Variants in GRIN3A observed in about 807,000 individuals in gnomAD.
GRIN3A encodes glutamate ionotropic receptor NMDA type subunit 3A.
In GRIN3A, 47 loss-of-function variants were observed where a neutral mutation model predicts 92.4. The ratio of observed to expected loss-of-function variants is 0.51; its 90% CI spans 0.40 to 0.65. The LOEUF is 0.65. Ranked by LOEUF, GRIN3A falls within the 30% of genes least tolerant of loss-of-function variation. The pLI, the probability that GRIN3A is intolerant of heterozygous loss-of-function variation, is 0.00. For missense variants in GRIN3A, 1,324 were observed against 1,393.1 expected, an observed-to-expected ratio of 0.95 and a Z score of 0.79; for synonymous variants, 527 against 540.6, an observed-to-expected ratio of 0.97 and a Z score of 0.35.
At chr9:101,580,143 C>T (rs955135751) in intron 6 of GRIN3A, among the ~76,000 whole-genome samples, 3 of 152,148 alleles carry the variant, frequency 2.0e-5, no homozygotes, top group Admixed American at 6.5e-5. Flanking sequence ...TTACTCAATA[C>T]GTATACTCAG....
chr9:101,674,617 A>G (rs1408304873), intron 2 of GRIN3A, among the ~76,000 whole-genome samples: 2 of 152,104 alleles, frequency 1.3e-5, no homozygotes, highest in Non-Finnish European at 2.9e-5. Flanking sequence ...GTAAGCCCAT[A>G]TAGCAATGTG....
intron 5 of GRIN3A, among the ~76,000 whole-genome samples, chr9:101,616,175 C>T (rs75145456): frequency 0.041 from 6,208 of 152,210 alleles, 141 homozygotes; most frequent in East Asian, 0.12. Context: ...GTGAGTGAGT[C>T]AGTGAATCAG....
At chr9:101,616,773 G>A (rs1375474310) in intron 5 of GRIN3A, among the ~76,000 whole-genome samples, 1 of 148,272 alleles carries the variant, frequency 6.7e-6, no homozygotes, top group Non-Finnish European at 1.5e-5. Flanking sequence ...GATAGCATTG[G>A]GAGATATACC....
intron 5 of GRIN3A, among the ~76,000 whole-genome samples, chr9:101,614,608 ACTTT>A (rs1339645402): frequency 7.8e-6 from 1 of 128,360 alleles, no homozygotes. Context: ...TATATGTGAT[ACTTT>A]TTTTTTTTTT....
At chr9:101,617,173 G>C (rs1828470135) in intron 5 of GRIN3A, among the ~76,000 whole-genome samples, 2 of 140,064 alleles carry the variant, frequency 1.4e-5, no homozygotes, top group Non-Finnish European at 3.0e-5. Context: ...GCAGTCCGCA[G>C]TCCGGCATGG....
At chr9:101,710,657 G>A (rs1269320122) in intron 1 of GRIN3A, among the ~76,000 whole-genome samples, 2 of 152,232 alleles carry the variant, frequency 1.3e-5, no homozygotes, top group Non-Finnish European at 2.9e-5. Context: ...AGGGACGACT[G>A]AGAAAAGTCA....
At chr9:101,732,919 T>TAGATTGGGAACATCTGCAACGAAAGAGGC (rs1830158178) in intron 1 of GRIN3A, among the ~76,000 whole-genome samples, 1 of 152,278 alleles carries the variant, frequency 6.6e-6, no homozygotes, top group African/African-American at 2.4e-5. Flanking sequence ...TAGTGAGAGA[T>TAGATTGGGAACATCTGCAACGAAAGAGGC]AGATTGGGAA....
intron 3 of GRIN3A, among the ~76,000 whole-genome samples, chr9:101,664,698 G>T (rs1009730353): frequency 6.6e-6 from 1 of 151,882 alleles, no homozygotes; most frequent in Non-Finnish European, 1.5e-5. Flanking sequence ...GCAGGCTCTT[G>T]CTTTTAATTT....
chr9:101,580,157 C>T (rs1588234901), intron 6 of GRIN3A, among the ~76,000 whole-genome samples: 1 of 152,298 alleles, frequency 6.6e-6, no homozygotes, highest in African/African-American at 2.4e-5. Flanking sequence ...TACTCAGCCA[C>T]CCCACTCAGC....
At chr9:101,626,439 C>T (rs1361909775) in intron 4 of GRIN3A, among the ~76,000 whole-genome samples, 3 of 152,202 alleles carry the variant, frequency 2.0e-5, no homozygotes, top group Non-Finnish European at 4.4e-5. Context: ...GGTCAGAGCT[C>T]TGGGATGCCA....
chr9:101,596,076 C>A (rs1359952615), intron 6 of GRIN3A, among the ~76,000 whole-genome samples: 1 of 152,168 alleles, frequency 6.6e-6, no homozygotes, highest in Non-Finnish European at 1.5e-5. Flanking sequence ...CTTGGGGGAA[C>A]CTCAGGCCAC....
chr9:101,661,267 T>A (rs1319497113), intron 3 of GRIN3A, among the ~76,000 whole-genome samples: 1 of 151,912 alleles, frequency 6.6e-6, no homozygotes, highest in East Asian at 1.9e-4. Context: ...TTACTTGGGT[T>A]ATTAAGTATT....
chr9:101,733,035 G>A (rs924214969), intron 1 of GRIN3A, among the ~76,000 whole-genome samples: 2 of 152,100 alleles, frequency 1.3e-5, no homozygotes, highest in Admixed American at 6.6e-5. Flanking sequence ...TGACTGGGGG[G>A]TTATTTATAA....
intron 1 of GRIN3A, among the ~76,000 whole-genome samples, chr9:101,730,722 G>A (rs1316134190): frequency 6.6e-6 from 1 of 152,080 alleles, no homozygotes; most frequent in African/African-American, 2.4e-5. Flanking sequence ...TAAAAGAGAT[G>A]AGAGAGGGCT....
At chr9:101,637,623 G>A (rs1828803041) in intron 3 of GRIN3A, among the ~76,000 whole-genome samples, 1 of 152,026 alleles carries the variant, frequency 6.6e-6, no homozygotes, top group Admixed American at 6.6e-5. Flanking sequence ...ACACCTTAAC[G>A]TGAATTATAT....
intron 1 of GRIN3A, among the ~76,000 whole-genome samples, chr9:101,699,246 TC>T (rs1829724149): frequency 6.6e-6 from 1 of 152,178 alleles, no homozygotes; most frequent in South Asian, 2.1e-4. Flanking sequence ...ATCACTGACT[TC>T]CACCTCTACC....
intron 3 of GRIN3A, among the ~76,000 whole-genome samples, chr9:101,634,201 C>T (rs1032132096): frequency 9.2e-5 from 14 of 151,656 alleles, no homozygotes; most frequent in Non-Finnish European, 1.6e-4. Flanking sequence ...GGAATGGTGG[C>T]GGGTGCCTGT....
At chr9:101,704,412 C>T (rs1300437230) in intron 1 of GRIN3A, among the ~76,000 whole-genome samples, 1 of 152,050 alleles carries the variant, frequency 6.6e-6, no homozygotes, top group Non-Finnish European at 1.5e-5. Flanking sequence ...GCATTGAATC[C>T]CCACAATGTG....
chr9:101,732,146 G>A (rs1030329476), intron 1 of GRIN3A, among the ~76,000 whole-genome samples: 1 of 152,170 alleles, frequency 6.6e-6, no homozygotes, highest in African/African-American at 2.4e-5. Flanking sequence ...AGGGCAATGG[G>A]ACTCAAAGTA....
Sources: allele counts gnomAD v4.1 joint callset (sites outside exome capture counted in the v4.1 genomes callset), GRCh38; gene constraint gnomAD v4.1.1; transcripts MANE v1.5; gene names NCBI Gene and HGNC (gene_info 2026-07-23, HGNC 2026-07-21).